The following AMPD1 variants were observed in gnomAD, a reference collection of about 807,000 sequenced individuals.
AMPD1 encodes the protein AMP deaminase 1.
In AMPD1, 74 loss-of-function variants were observed where a neutral mutation model predicts 82.9. The ratio of observed to expected loss-of-function variants is 0.89; its 90% CI spans 0.74 to 1.08. AMPD1 has a LOEUF of 1.08. AMPD1 is among the 50% of genes least tolerant of loss of function. AMPD1 has a pLI of 0.00. For missense variants in AMPD1, 881 were observed against 924.5 expected, an observed-to-expected ratio of 0.95 and a Z score of 0.61; for synonymous variants, 333 against 320.5, an observed-to-expected ratio of 1.04 and a Z score of -0.42.
chr1:114,684,955 A>T (rs1350284486), intron 4 of AMPD1, among the ~76,000 whole-genome samples: 1 of 152,174 alleles, frequency 6.6e-6, no homozygotes, highest in Non-Finnish European at 1.5e-5. Context: ...AACTTGAGAG[A>T]TTCTAGAGGA....
chr1:114,693,214 A>T (rs1318459576), intron 2 of AMPD1, among the ~76,000 whole-genome samples: 1 of 148,508 alleles, frequency 6.7e-6, no homozygotes, highest in Non-Finnish European at 1.5e-5. Context: ...ATATATAATT[A>T]TATATATATA....
At chr1:114,686,663 AAAGAG>A in intron 4 of AMPD1, 77 bp downstream of exon 4, 1 of 1,479,966 alleles carries the variant, frequency 6.8e-7, no homozygotes. Flanking sequence ...CCTCAACAGG[AAAGAG>A]AAGAAGGCAA....
At chr1:114,692,754 T>A (rs1340095072) in intron 2 of AMPD1, among the ~76,000 whole-genome samples, 4 of 57,536 alleles carry the variant, frequency 7.0e-5, no homozygotes, top group East Asian at 5.0e-4. Flanking sequence ...TGAACAACAA[T>A]TTTTTTTTTT....
At chr1:114,685,135 G>T (rs559783890) in intron 4 of AMPD1, among the ~76,000 whole-genome samples, 1 of 152,158 alleles carries the variant, frequency 6.6e-6, no homozygotes, top group African/African-American at 2.4e-5. Context: ...TTAAGGTCCA[G>T]ATATTGATCC....
In AMPD1 at chr1:114,674,637, C is replaced by T. The variant is rs1570836646; in HGVS notation, c.1800+115G>A. Reference sequence around the variant, plus strand: ...GCACTAAACTAAAAAATCTTTTATGCTCTACTTGATTATGATTGCAGTGTC... The same window carrying T: ...GCACTAAACTAAAAAATCTTTTATGTTCTACTTGATTATGATTGCAGTGTC... On this transcript the variant is annotated intron_variant, in intron 13 of 15. Transcript: ENST00000520113. 1.9e-5 allele frequency: 25 copies of T among 1,313,972 alleles called. No individual in the cohort carries two copies. In the South Asian group the frequency reaches 3.0e-4, roughly 16 times the overall value. The allele number at this position is 1,313,972 out of a possible 1,614,324, so 81.4% of individuals were successfully genotyped here.
chr1:114,674,804 A>G lies in AMPD1; in HGVS notation c.1748T>C (p.Met583Thr), dbSNP rs373040825. The part of the protein sequence containing the change: ...CGEAGALTHL[M>T]TAFMIADDIS... ...ATCATCTGCTATCATGAATGCTGTCATGAGATGGGTGAGGGCTCCAGCTTC... is the reference window on the plus strand; with the variant it reads ...ATCATCTGCTATCATGAATGCTGTCGTGAGATGGGTGAGGGCTCCAGCTTC... Residue 583 changes from methionine (M) to threonine (T), a missense_variant, in exon 13 of 16, where the codon ATG (methionine) becomes ACG (threonine). Transcript: ENST00000520113. The G allele has an allele frequency of 6.2e-7, 1 of 1,613,756 alleles. No individual in the cohort carries two copies. The highest frequency in any genetic ancestry group is 1.3e-5 in the African/African-American group (1 of 74,936).
In AMPD1 at chr1:114,693,423, A is replaced by G. The variant is rs764019801; in HGVS notation, c.34+13T>C. On this transcript the variant is annotated intron_variant, in intron 2 of 15. Transcript: ENST00000520113. ...ACTCTGACAAATGGCAGCAAAAGTAATGCAATACTCACGTTTCTCTTCAGC... is the reference window on the plus strand; with the variant it reads ...ACTCTGACAAATGGCAGCAAAAGTAGTGCAATACTCACGTTTCTCTTCAGC... 1.2e-6 allele frequency: 2 copies of G among 1,609,812 alleles called. No homozygotes were observed. The highest frequency in any genetic ancestry group is 4.5e-5 in the East Asian group (2 of 44,760).
chr1:114,677,840 TC>T (rs1658044175), intron 9 of AMPD1, 69 bp downstream of exon 9: 6 of 1,341,136 alleles, frequency 4.5e-6, no homozygotes, highest in African/African-American at 3.0e-5. Flanking sequence ...CTTCCTTCCT[TC>T]CTTCCTTCCT....
intron 4 of AMPD1, among the ~76,000 whole-genome samples, chr1:114,686,361 T>C (rs1313144454): frequency 6.6e-6 from 1 of 152,106 alleles, no homozygotes; most frequent in African/African-American, 2.4e-5. Context: ...CTTGGGTCCT[T>C]CTTTTCCCCA....
intron 1 of AMPD1, among the ~76,000 whole-genome samples, chr1:114,694,181 A>G (rs1285276138): frequency 6.6e-6 from 1 of 152,082 alleles, no homozygotes. Flanking sequence ...GCACCACTGC[A>G]CTCCAGCCTG....
intron 2 of AMPD1, among the ~76,000 whole-genome samples, chr1:114,689,364 G>A (rs1178284725): frequency 6.6e-6 from 1 of 152,174 alleles, no homozygotes; most frequent in East Asian, 1.9e-4. Flanking sequence ...ACTACCAAGT[G>A]CTGGAAGTCC....
chr1:114,677,317 C>A (rs1010028482), intron 10 of AMPD1, 34 bp downstream of exon 10: 1 of 1,610,200 alleles, frequency 6.2e-7, no homozygotes, highest in African/African-American at 1.4e-5. Flanking sequence ...GAGACAAGGG[C>A]AGGCTCTAGA....
In AMPD1 at chr1:114,674,965, A is replaced by T. The variant is rs981717693; in HGVS notation, c.1680-93T>A. On this transcript the variant is annotated intron_variant, in intron 12 of 15. Coordinates refer to ENST00000520113, the MANE Select transcript of AMPD1 (RefSeq NM_000036.3). ...TAGAAAAGTGAACACTCTGGAAGGA[A>T]GTAAGCCATCCAAAGGATTCAGCAA... is the stretch of plus-strand genomic sequence containing the variant. The T allele has an allele frequency of 4.3e-5, 65 of 1,510,052 alleles. No individual in the cohort carries two copies. The Admixed American group carries it at 1.1e-3, about 26-fold the overall frequency. The allele number at this position is 1,510,052 out of a possible 1,614,324, so 93.5% of individuals were successfully genotyped here.
intron 5 of AMPD1, among the ~76,000 whole-genome samples, chr1:114,683,800 C>T (rs1658231860): frequency 6.6e-6 from 1 of 152,154 alleles, no homozygotes; most frequent in Non-Finnish European, 1.5e-5. Flanking sequence ...AGGCTAAAGA[C>T]TGGACTTTGC....
At chr1:114,676,108 G>A (rs1557968762) in intron 10 of AMPD1, 105 bp from the exon 11 acceptor site, 21 of 1,315,064 alleles carry the variant, frequency 1.6e-5, no homozygotes, top group South Asian at 1.1e-4. Context: ...AGGAAAAGAC[G>A]TGGTATATCT....
chr1:114,678,116 G>A, intron 8 of AMPD1, 75 bp from the exon 9 acceptor site: 2 of 1,590,124 alleles, frequency 1.3e-6, no homozygotes, highest in South Asian at 1.1e-5. Context: ...AAATAGTCAA[G>A]CAGAACTGGG....
chr1:114,688,523 G>A (rs926077505), intron 3 of AMPD1, 38 bp downstream of exon 3: 11 of 1,607,330 alleles, frequency 6.8e-6, no homozygotes, highest in African/African-American at 1.3e-5. Context: ...CCCCTCCTTA[G>A]GTGCCAATAT....
intron 2 of AMPD1, 91 bp from the exon 3 acceptor site, chr1:114,688,832 G>A (rs1035209078): frequency 2.8e-6 from 4 of 1,416,418 alleles, no homozygotes; most frequent in Admixed American, 1.7e-5. Context: ...GACAAGGACT[G>A]TGCTGCGTGC....
intron 1 of AMPD1, among the ~76,000 whole-genome samples, chr1:114,695,205 T>G (rs1440841777): frequency 6.6e-6 from 1 of 152,146 alleles, no homozygotes; most frequent in Non-Finnish European, 1.5e-5. Flanking sequence ...TCACAGAGTT[T>G]TCTACTGGGA....
Sources: gnomAD v4.1 joint callset for allele counts (sites outside exome capture counted in the v4.1 genomes callset) on GRCh38, gnomAD v4.1.1 for gene constraint, MANE v1.5 for transcripts, NCBI Gene and HGNC (gene_info 2026-07-23, HGNC 2026-07-21) for gene names.